Variants in NFKBIB observed in about 807,000 individuals in gnomAD.
NFKBIB encodes NF-kappa-B inhibitor beta.
NFKBIB carries 16 observed loss-of-function variants against 32.1 expected under a neutral mutation model. That is an observed-to-expected ratio of 0.50 (90% confidence interval 0.34 to 0.76). NFKBIB has a LOEUF of 0.76. NFKBIB is among the 30% of genes least tolerant of loss of function. The pLI is 0.01. For synonymous variants in NFKBIB, 222 were observed against 219.5 expected (o/e 1.01, Z -0.10); for missense variants, 437 against 514.9 (o/e 0.85, Z 1.46).
At chr19:38,908,486 C>T in intron 5 of NFKBIB, 3 of 1,149,514 alleles carry the variant, frequency 2.6e-6, no homozygotes, top group Non-Finnish European at 3.3e-6. Flanking sequence ...TTGCAGTGAA[C>T]CTAGATCACG....
chr19:38,904,279 T>C (rs530147125), intron 1 of NFKBIB, among the ~76,000 whole-genome samples: 1 of 152,212 alleles, frequency 6.6e-6, no homozygotes, highest in East Asian at 1.9e-4. Flanking sequence ...TCCCACCCGA[T>C]AGCCTGTGAT....
At chr19:38,902,150 G>A (rs994161169) in intron 1 of NFKBIB, among the ~76,000 whole-genome samples, 108 of 134,690 alleles carry the variant, frequency 8.0e-4, no homozygotes, top group Non-Finnish European at 1.4e-3. Flanking sequence ...GTGCAATCTC[G>A]GCTCACTGCA....
rs776373115 is a variant in NFKBIB, at chr19:38,907,407, G to C, written c.717G>C (p.Thr239=). The C allele has an allele frequency of 1.3e-6, 2 of 1,590,316 alleles. No homozygotes were observed. The highest frequency in any genetic ancestry group is 8.6e-7 in the Non-Finnish European group (1 of 1,163,674). Residue 239 remains threonine (T), a synonymous_variant, in exon 5 of 6, where the codon ACG becomes ACC. Coordinates refer to ENST00000313582, the MANE Select transcript of NFKBIB (RefSeq NM_002503.5). ...AGADLDKPEP[T]CGRSPLHLAV... ...CTGTTGCACCCCCACAGGAGCCCAC[G>C]TGCGGCCGGAGCCCCCTTCATTTGG...
chr19:38,903,191 G>A (rs1974020290), intron 1 of NFKBIB, among the ~76,000 whole-genome samples: 1 of 152,194 alleles, frequency 6.6e-6, no homozygotes, highest in South Asian at 2.1e-4. Context: ...GCTGACTCCT[G>A]CTGTAGGGTT....
intron 5 of NFKBIB, chr19:38,907,957 G>C: frequency 6.5e-6 from 8 of 1,234,350 alleles, no homozygotes; most frequent in Non-Finnish European, 8.1e-6. Context: ...TAGCGCTGGG[G>C]GTGATTTTAG....
rs927275476 is a variant in NFKBIB at position 38,905,367 on chromosome 19, C to A, written c.451C>A (p.Pro151Thr). 6.2e-7 allele frequency: 1 copy of A among 1,612,736 alleles called. No individual in the cohort carries two copies. Residue 151 changes from proline (P) to threonine (T), a missense_variant, in exon 3 of 6, where the codon CCC (proline) becomes ACC (threonine). Pro to Thr is a conservative substitution (Grantham distance 38). Coordinates refer to ENST00000313582, the MANE Select transcript of NFKBIB (RefSeq NM_002503.5). This position sits in a 1 kb window ranked among gnomAD's most constrained non-coding sequence, Gnocchi z 5.5. ...TGCCCGTGCCCTGCTTCAGCCCCGC[C>A]CCCGGCGCCCCAGGGAAGCCCCCGA... ...ACARALLQPR[P>T]RRPREAPDTY... is the part of the protein sequence containing the mutation.
intron 5 of NFKBIB, 54 bp from the exon 6 acceptor site, chr19:38,908,677 G>C (rs1418997008): frequency 1.9e-6 from 3 of 1,573,348 alleles, no homozygotes; most frequent in Non-Finnish European, 2.6e-6. Flanking sequence ...GACATGGGTG[G>C]TGGGCAAAGT....
chr19:38,903,146 T>C (rs1432674989), intron 1 of NFKBIB, among the ~76,000 whole-genome samples: 1 of 152,080 alleles, frequency 6.6e-6, no homozygotes, highest in Non-Finnish European at 1.5e-5. Context: ...CTACAAAGAC[T>C]AAAATAGTTA....
chr19:38,906,199 A>G (rs1259133791), intron 3 of NFKBIB, among the ~76,000 whole-genome samples: 1 of 125,546 alleles, frequency 8.0e-6, no homozygotes, highest in African/African-American at 3.2e-5. Context: ...CAGTGGCGTG[A>G]TCTTGGCTCA....
At chr19:38,900,721 T>TA (rs1037216680) in intron 1 of NFKBIB, among the ~76,000 whole-genome samples, 4 of 152,084 alleles carry the variant, frequency 2.6e-5, no homozygotes, top group African/African-American at 7.2e-5. Context: ...ATAGGAAAAT[T>TA]AAAAAAAAGA....
At position 38,907,570 on chromosome 19, in the gene NFKBIB, C is replaced by G. The variant is rs200640455; in HGVS notation, c.880C>G (p.Arg294Gly). Reference protein sequence around the residue: ...RPNPILARLLRAHGAPEPEGE... With the variant: ...RPNPILARLLGAHGAPEPEGE... ...CAACCCCATCCTCGCCCGCCTCCTC[C>G]GTGCACACGGAGCCCCTGAGCCCGA... Residue 294 changes from arginine (R) to glycine (G), a missense_variant, in exon 5 of 6, where the codon CGT (arginine) becomes GGT (glycine). Arg to Gly is a moderately radical substitution (Grantham distance 125). Transcript: ENST00000313582. The G allele has an allele frequency of 3.7e-6, 6 of 1,612,434 alleles. No homozygotes were observed. Among genetic ancestry groups the G allele is most frequent in the Middle Eastern group, 1.6e-4 (1 of 6,082 alleles).
At chr19:38,904,402 G>A (rs1021012539) in intron 1 of NFKBIB, among the ~76,000 whole-genome samples, 2 of 152,148 alleles carry the variant, frequency 1.3e-5, no homozygotes, top group African/African-American at 2.4e-5. Flanking sequence ...CAGACTCACA[G>A]GCATGGCTGA....
intron 5 of NFKBIB, 154 bp downstream of exon 5, chr19:38,907,813 C>T: frequency 7.0e-7 from 1 of 1,436,902 alleles, no homozygotes; most frequent in Non-Finnish European, 9.2e-7. Context: ...TCAGGAGAGA[C>T]CTGGACAGGG....
At chr19:38,907,837 C>T in intron 5 of NFKBIB, 178 bp downstream of exon 5, 1 of 1,418,274 alleles carries the variant, frequency 7.1e-7, no homozygotes, top group East Asian at 2.6e-5. Context: ...GTGGGAAGAG[C>T]TTGGGCAGAA....
At position 38,907,229 on chromosome 19, in the gene NFKBIB, C is replaced by T. The variant is rs139492623; in HGVS notation, c.628C>T (p.Pro210Ser). The T allele has an allele frequency of 5.3e-5, 86 of 1,612,300 alleles. No individual in the cohort carries two copies. Among genetic ancestry groups the T allele is most frequent in the Middle Eastern group, 4.9e-4 (3 of 6,080 alleles). The change falls in exon 4 of 6, where the codon CCA (proline) becomes TCA (serine). Residue 210 changes from proline to serine, a missense_variant. By Grantham distance (74) the Pro-to-Ser change is moderately conservative. Coordinates refer to ENST00000313582, the MANE Select transcript of NFKBIB (RefSeq NM_002503.5). Reference protein sequence around the residue: ...LEAENYEGHTPLHVAVIHKDV... With the variant: ...LEAENYEGHTSLHVAVIHKDV... ...AATCACTCTGTCCCCAGGCCACACCCCACTCCACGTGGCCGTTATCCACAA... is the reference window on the plus strand; with the variant it reads ...AATCACTCTGTCCCCAGGCCACACCTCACTCCACGTGGCCGTTATCCACAA...
intron 1 of NFKBIB, among the ~76,000 whole-genome samples, chr19:38,901,447 A>G (rs1382076863): frequency 1.3e-5 from 2 of 151,082 alleles, no homozygotes; most frequent in African/African-American, 4.9e-5. Context: ...GGCACATGCC[A>G]CCATGCCTGG....
intron 3 of NFKBIB, among the ~76,000 whole-genome samples, chr19:38,906,466 G>GC (rs1218402696): frequency 2.7e-5 from 2 of 75,336 alleles, no homozygotes; most frequent in African/African-American, 1.1e-4. Context: ...TTAATTTAAG[G>GC]TTTTTTTTTT....
intron 1 of NFKBIB, among the ~76,000 whole-genome samples, chr19:38,901,254 G>T (rs1973949685): frequency 6.6e-6 from 1 of 151,794 alleles, no homozygotes; most frequent in African/African-American, 2.4e-5. Flanking sequence ...AATTAATTTT[G>T]GTTTCATTAA....
At chr19:38,907,127 C>T in intron 3 of NFKBIB, 94 bp from the exon 4 acceptor site, 1 of 1,158,208 alleles carries the variant, frequency 8.6e-7, no homozygotes, top group Non-Finnish European at 1.2e-6. Context: ...AACCTAATCA[C>T]CCTCACGCCA....
Sources: allele counts gnomAD v4.1 joint callset (sites outside exome capture counted in the v4.1 genomes callset), GRCh38; gene constraint gnomAD v4.1.1; non-coding constraint Gnocchi (gnomAD v3.1); transcripts MANE v1.5; gene names NCBI Gene and HGNC (gene_info 2026-07-23, HGNC 2026-07-21).